TFR2: variants seen among roughly 807,000 people sequenced by gnomAD.
TFR2 encodes the protein transferrin receptor protein 2.
A neutral mutation model predicts 91.9 loss-of-function variants in TFR2; 64 were observed. That is an observed-to-expected ratio of 0.70 (90% confidence interval 0.57 to 0.86). TFR2 has a LOEUF of 0.86. Among genes scored for constraint, TFR2 ranks in the 40% least tolerant of loss-of-function variants. The pLI is 0.00. For synonymous variants in TFR2, 454 were observed against 459.6 expected (o/e 0.99, Z 0.15); for missense variants, 950 against 1,080.5 (o/e 0.88, Z 1.69).
chr7:100,641,105 G>T lies in TFR2; in HGVS notation c.157C>A (p.Pro53Thr). ...GGCTCAGGGCCCCTCAGCTCCATGG[G>T]GCAGAAGTGGGCCAATGTCTCCGCC... is the stretch of plus-strand genomic sequence containing the variant. ...EGAETLAHFC[P>T]MELRGPEPLG... The change falls in exon 2 of 18, where the codon CCC becomes ACC. Residue 53 changes from proline to threonine, a missense_variant. Coordinates refer to ENST00000223051, the MANE Select transcript of TFR2 (RefSeq NM_003227.4). 6.3e-7 allele frequency: 1 copy of T among 1,591,034 alleles called. No homozygotes were observed.
intron 6 of TFR2, 107 bp from the exon 7 acceptor site, chr7:100,632,305 C>T (rs1298031972): frequency 2.1e-5 from 22 of 1,055,152 alleles, no homozygotes; most frequent in Middle Eastern, 2.8e-4. Context: ...GTCCATCCCA[C>T]GGAGAGGATG....
rs769477274 is a variant in TFR2 at position 100,627,604 on chromosome 7, G to A, written c.1740C>T (p.Val580=). The A allele has an allele frequency of 6.2e-7, 1 of 1,614,166 alleles. No homozygotes were observed. The highest frequency in any genetic ancestry group is 2.2e-5 in the East Asian group (1 of 44,876). Residue 580 remains valine, a synonymous_variant, in exon 15 of 18, where the codon GTC becomes GTT. Transcript: ENST00000223051. ...CCATAAAGGAGAACTCGACGGCAGG[G>A]ACTCCCACAAAGGCCGTGAAGGAAT... is the stretch of plus-strand genomic sequence containing the variant. ...SAYSFTAFVG[V]PAVEFSFMED... is the part of the protein sequence containing the mutation.
In TFR2 at chr7:100,633,630, G is replaced by C. The variant is rs560568784; in HGVS notation, c.474-74C>G. On this transcript the variant is annotated intron_variant, in intron 3 of 17. Transcript: ENST00000223051. ...GGGAAGAGGGAAGGATGCCAGAGACGTGGGGTCGCCAGGGGCAGGGGCGGC... is the reference window on the plus strand; with the variant it reads ...GGGAAGAGGGAAGGATGCCAGAGACCTGGGGTCGCCAGGGGCAGGGGCGGC... 1,004 of 1,526,816 alleles carry C rather than the reference G, an allele frequency of 6.6e-4. 14 individuals are homozygous for C. The South Asian group carries it at 0.012, about 18-fold the overall frequency. 94.6% of individuals were successfully genotyped at this position (1,526,816 alleles called of 1,614,324 possible).
At position 100,633,438 on chromosome 7, in the gene TFR2, C is replaced by T; in HGVS notation, c.592G>A (p.Val198Met). 1.9e-6 allele frequency: 3 copies of T among 1,612,574 alleles called. No individual in the cohort carries two copies. Among genetic ancestry groups the T allele is most frequent in the East Asian group, 2.2e-5 (1 of 44,822 alleles). ...LDHVWTDTHY[V>M]GLQFPDPAHP... is the part of the protein sequence containing the mutation. ...CACGGATCCGGGAATTGCAGCCCCA[C>T]GTAGTGCGTGTCGGTCCACACGTGG... Residue 198 changes from valine to methionine, a missense_variant, in exon 4 of 18, where the codon GTG becomes ATG. Val to Met is a conservative substitution (Grantham distance 21). Transcript: ENST00000223051.
chr7:100,630,545 C>G (rs1157406017), intron 9 of TFR2, among the ~76,000 whole-genome samples: 2 of 152,216 alleles, frequency 1.3e-5, no homozygotes, highest in African/African-American at 2.4e-5. Context: ...CTGCCTGGGC[C>G]TCCCAAAGTG....
chr7:100,625,231 G>T (rs1803224348), intron 17 of TFR2, among the ~76,000 whole-genome samples: 1 of 151,660 alleles, frequency 6.6e-6, no homozygotes, highest in Non-Finnish European at 1.5e-5. Context: ...AGCTAATTTT[G>T]TATTTTTAGT....
rs759243165 is a variant in TFR2 at position 100,640,711 on chromosome 7, C to T, written c.448G>A (p.Glu150Lys). 5.0e-6 allele frequency: 8 copies of T among 1,613,424 alleles called. No individual in the cohort carries two copies. In the Admixed American group the frequency reaches 8.3e-5, roughly 17 times the overall value. ...CTGATGGTGTCCTCCAGGCGCCCCT[C>T]CCCCAGGAACTGCAGGAACATGGCC... Reference protein sequence around the residue: ...LQAMFLQFLGEGRLEDTIRQT... With the variant: ...LQAMFLQFLGKGRLEDTIRQT... The change falls in exon 3 of 18, where the codon GAG becomes AAG. Residue 150 changes from glutamate (E) to lysine (K), a missense_variant. By Grantham distance (56) the Glu-to-Lys change is moderately conservative. Coordinates refer to ENST00000223051, the MANE Select transcript of TFR2 (RefSeq NM_003227.4).
At chr7:100,633,208 G>C (rs1311702280) in intron 5 of TFR2, 21 bp downstream of exon 5, 1 of 1,613,394 alleles carries the variant, frequency 6.2e-7, no homozygotes. Flanking sequence ...CCCATCCTAG[G>C]AGCGGGCAGG....
chr7:100,632,446 T>C (rs1803470180), intron 6 of TFR2, among the ~76,000 whole-genome samples: 1 of 151,972 alleles, frequency 6.6e-6, no homozygotes, highest in South Asian at 2.1e-4. Context: ...ACCCAATTTG[T>C]TCCCAGCCAA....
chr7:100,640,834 G>A lies in TFR2; in HGVS notation c.325C>T (p.Gln109Ter), dbSNP rs753389684. 6.2e-7 allele frequency: 1 copy of A among 1,614,128 alleles called. No homozygotes were observed. Among genetic ancestry groups the A allele is most frequent in the Non-Finnish European group, 8.5e-7 (1 of 1,180,026 alleles). Residue 109 changes from glutamine (Q) to a stop codon, truncating the protein, a stop_gained, in exon 3 of 18, where the codon CAG (glutamine) becomes TAG (stop). Transcript: ENST00000223051. LOFTEE classifies it high-confidence loss of function. ...ACCAACACAGAGTCTCCGCACGCCT[G>A]GCAGGACCCTCGGAAGGCGACGTAG... is the stretch of plus-strand genomic sequence containing the variant. Reference protein sequence around the residue: ...LGYVAFRGSCQACGDSVLVVS... With the variant: ...LGYVAFRGSC
At position 100,627,944 on chromosome 7, in the gene TFR2, G is replaced by C. The variant is rs1019233469; in HGVS notation, c.1568C>G (p.Pro523Arg). ...GDDKFHAKTS[P>R]LLTSLIESVL... The stretch of plus-strand genomic sequence containing the variant: ...ACTCTCAATGAGACTTGTCAGAAGG[G>C]GGCTGGTCTTGGCATGAAACTTGTC... The change falls in exon 13 of 18, where the codon CCC becomes CGC. Residue 523 changes from proline to arginine, a missense_variant. Transcript: ENST00000223051. 6.2e-7 allele frequency: 1 copy of C among 1,614,046 alleles called. No individual in the cohort carries two copies. The highest frequency in any genetic ancestry group is 8.5e-7 in the Non-Finnish European group (1 of 1,179,964).
chr7:100,639,132 C>T (rs550458434), intron 3 of TFR2, among the ~76,000 whole-genome samples: 1 of 152,150 alleles, frequency 6.6e-6, no homozygotes, highest in African/African-American at 2.4e-5. Flanking sequence ...GAAGCCGAAG[C>T]GCTTTGGCAG....
At position 100,641,497 on chromosome 7, in the gene TFR2, A is replaced by C; in HGVS notation, c.13T>G (p.Trp5Gly). Residue 5 changes from tryptophan (W) to glycine (G), a missense_variant, in exon 1 of 18, where the codon TGG becomes GGG. Coordinates refer to ENST00000223051, the MANE Select transcript of TFR2 (RefSeq NM_003227.4). ...CTTACCGCTCTCTGGAATAGACCCCAAAGCCGCTCCATGCTTGTGTCCCCT... is the reference window on the plus strand; with the variant it reads ...CTTACCGCTCTCTGGAATAGACCCCCAAGCCGCTCCATGCTTGTGTCCCCT... MERL[W>G]GLFQRAQQLS... 1.2e-6 allele frequency: 2 copies of C among 1,613,880 alleles called. No homozygotes were observed. The highest frequency in any genetic ancestry group is 1.7e-6 in the Non-Finnish European group (2 of 1,179,902).
intron 17 of TFR2, among the ~76,000 whole-genome samples, chr7:100,622,997 G>A (rs931662904): frequency 4.7e-5 from 7 of 147,388 alleles, no homozygotes; most frequent in South Asian, 2.1e-4. Flanking sequence ...CAAACAGGCC[G>A]GGCACAGTGG....
At chr7:100,630,239 T>C (rs887454544) in intron 9 of TFR2, among the ~76,000 whole-genome samples, 4 of 140,730 alleles carry the variant, frequency 2.8e-5, no homozygotes, top group African/African-American at 1.0e-4. Flanking sequence ...TTCCTTTCTC[T>C]CTCTCTCTTT....
At chr7:100,629,216 T>C in intron 10 of TFR2, 37 bp downstream of exon 10, 1 of 1,612,060 alleles carries the variant, frequency 6.2e-7, no homozygotes, top group East Asian at 2.2e-5. Flanking sequence ...GGCCCACCGC[T>C]GCCTAGCCCA....
chr7:100,621,986 C>T (rs1223833278), intron 17 of TFR2, among the ~76,000 whole-genome samples: 2 of 152,156 alleles, frequency 1.3e-5, no homozygotes, highest in African/African-American at 2.4e-5. Flanking sequence ...GCCTGGGCAC[C>T]GCCCCAGTAA....
At chr7:100,637,573 A>G (rs1054757785) in intron 3 of TFR2, among the ~76,000 whole-genome samples, 5 of 152,072 alleles carry the variant, frequency 3.3e-5, no homozygotes, top group Admixed American at 1.3e-4. Context: ...CAGCTTGGGC[A>G]ACAGAGTGAG....
chr7:100,640,630 C>A, intron 3 of TFR2, 56 bp downstream of exon 3: 1 of 1,589,576 alleles, frequency 6.3e-7, no homozygotes, highest in Non-Finnish European at 8.5e-7. Context: ...GAGGCCCAGT[C>A]TGAGCGGATG....
Sources: gnomAD v4.1 joint callset for allele counts (sites outside exome capture counted in the v4.1 genomes callset) on GRCh38, gnomAD v4.1.1 for gene constraint, MANE v1.5 for transcripts, NCBI Gene and HGNC (gene_info 2026-07-23, HGNC 2026-07-21) for gene names.